The following DHX29 variants were observed in gnomAD, a reference collection of about 807,000 sequenced individuals.
DHX29 encodes the protein ATP-dependent RNA helicase DHX29.
In DHX29, 79 loss-of-function variants were observed where a neutral mutation model predicts 167.9. That is an observed-to-expected ratio of 0.47 (90% confidence interval 0.39 to 0.57). DHX29 has a LOEUF of 0.57. Ranked by LOEUF, DHX29 falls within the 20% of genes least tolerant of loss-of-function variation. DHX29 has a pLI of 0.00. For synonymous variants in DHX29, 530 were observed against 546.0 expected (o/e 0.97, Z 0.41); for missense variants, 1,347 against 1,593.4 (o/e 0.85, Z 2.63).
At chr5:55,300,765 A>T (rs1748557123) in intron 1 of DHX29, among the ~76,000 whole-genome samples, 1 of 152,234 alleles carries the variant, frequency 6.6e-6, no homozygotes, top group Admixed American at 6.5e-5. Context: ...ATATTTTTCA[A>T]GACAAAAAAT....
At chr5:55,270,375 C>A in intron 20 of DHX29, 37 bp downstream of exon 20, 2 of 1,555,294 alleles carry the variant, frequency 1.3e-6, no homozygotes, top group South Asian at 2.4e-5. Flanking sequence ...TAGAAAGGGG[C>A]GAAGGACAAA....
chr5:55,272,027 T>C (rs937173576), intron 18 of DHX29, 60 bp downstream of exon 18: 3 of 980,238 alleles, frequency 3.1e-6, no homozygotes, highest in Non-Finnish European at 4.6e-6. Flanking sequence ...TCCCAAGAAT[T>C]CAAGAGCCCC....
At chr5:55,296,486 A>C in intron 3 of DHX29, 137 bp from the exon 4 acceptor site, 1 of 1,159,030 alleles carries the variant, frequency 8.6e-7, no homozygotes, top group East Asian at 2.8e-5. Flanking sequence ...CCAGTTAAAA[A>C]TGAAATGTGT....
chr5:55,287,567 T>C (rs1185025641), intron 8 of DHX29, among the ~76,000 whole-genome samples: 1 of 152,164 alleles, frequency 6.6e-6, no homozygotes, highest in African/African-American at 2.4e-5. Flanking sequence ...GCTATATCAA[T>C]AATTAACTCA....
chr5:55,275,155 C>A (rs573072759), intron 14 of DHX29, 145 bp from the exon 15 acceptor site: 4 of 939,740 alleles, frequency 4.3e-6, no homozygotes, highest in Middle Eastern at 3.4e-4. Flanking sequence ...ATACAGGAAG[C>A]GTATACTTTT....
At chr5:55,304,559 C>A (rs1218964953) in intron 1 of DHX29, among the ~76,000 whole-genome samples, 3 of 151,966 alleles carry the variant, frequency 2.0e-5, no homozygotes, top group Non-Finnish European at 4.4e-5. Flanking sequence ...CTCGGCCTCC[C>A]AAAGTGCTGG....
intron 11 of DHX29, 117 bp downstream of exon 11, chr5:55,283,086 A>T: frequency 8.8e-7 from 1 of 1,131,086 alleles, no homozygotes; most frequent in Non-Finnish European, 1.2e-6. Context: ...GAAATGTGCT[A>T]CTGATCAACC....
At chr5:55,281,888 C>T (rs1011403185) in intron 11 of DHX29, among the ~76,000 whole-genome samples, 28 of 150,892 alleles carry the variant, frequency 1.9e-4, no homozygotes, top group African/African-American at 5.6e-4. Context: ...TGGGTTCAAG[C>T]GATTCTCTTG....
rs144879984 is a variant in DHX29, at chr5:55,273,174, T to C, written c.2775+119A>G. On this transcript the variant is annotated intron_variant, in intron 17 of 26. Transcript: ENST00000251636. ...ATGGCAAGGTGCAGAACACTTGGAG[T>C]TGGCAATGCGCTATAAGGCACTTAA... 25 of 1,023,442 alleles carry C rather than the reference T, an allele frequency of 2.4e-5. No homozygotes were observed. In the East Asian group the frequency reaches 6.7e-4, roughly 28 times the overall value. The allele number at this position is 1,023,442 out of a possible 1,614,324, so 63.4% of individuals were successfully genotyped here. A position where few individuals can be genotyped will look rare whatever the true frequency, so the allele number is the denominator to read the frequency against.
intron 11 of DHX29, 178 bp downstream of exon 11, chr5:55,283,025 T>C (rs1267483345): frequency 1.1e-5 from 6 of 526,740 alleles, no homozygotes; most frequent in Non-Finnish European, 1.9e-5. Flanking sequence ...ATCCTTCTCA[T>C]AGGACAGTGG....
chr5:55,267,846 A>G, intron 21 of DHX29, 24 bp from the exon 22 acceptor site: 1 of 1,570,920 alleles, frequency 6.4e-7, no homozygotes, highest in Non-Finnish European at 8.6e-7. Context: ...ATAAATGACA[A>G]AACAATTTAT....
At position 55,272,122 on chromosome 5, in the gene DHX29, TACA is replaced by T. The variant is rs1195114618; in HGVS notation, c.2826_2828del (p.Val943del). ...TTGTTCTTCCAGTATCAATTACAAA[TACA>T]ACATCAGGAATAGTGATACCCGTCT... On this transcript the variant is annotated inframe_deletion, in exon 18 of 27. Transcript: ENST00000251636. The T allele has an allele frequency of 3.2e-6, 5 of 1,584,010 alleles. No homozygotes were observed. The highest frequency in any genetic ancestry group is 1.4e-5 in the African/African-American group (1 of 73,076).
In DHX29 at chr5:55,261,355, T is replaced by C. The variant is rs1746304711; in HGVS notation, c.3960+13A>G. Reference sequence around the variant, plus strand: ...AATTTTTAATAATCAATAAAATCAGTTGTACTATGTACCTGAAAATAGATC... The same window carrying C: ...AATTTTTAATAATCAATAAAATCAGCTGTACTATGTACCTGAAAATAGATC... On this transcript the variant is annotated intron_variant, in intron 25 of 26. Coordinates refer to ENST00000251636, the MANE Select transcript of DHX29 (RefSeq NM_019030.4). The C allele has an allele frequency of 3.3e-6, 5 of 1,496,958 alleles. No individual in the cohort carries two copies. Among genetic ancestry groups the C allele is most frequent in the Non-Finnish European group, 4.6e-6 (5 of 1,094,036 alleles). The allele number at this position is 1,496,958 out of a possible 1,614,324, so 92.7% of individuals were successfully genotyped here.
At chr5:55,295,130 C>T (rs958647371) in intron 5 of DHX29, 31 of 337,948 alleles carry the variant, frequency 9.2e-5, no homozygotes, top group African/African-American at 4.2e-4. Context: ...TTCCTGGAAC[C>T]GAAGAAACAC....
intron 23 of DHX29, 112 bp from the exon 24 acceptor site, chr5:55,263,044 T>C: frequency 1.2e-6 from 1 of 822,020 alleles, no homozygotes; most frequent in Non-Finnish European, 1.9e-6. Context: ...ATGCTAATGA[T>C]TATTTGGCTA....
intron 21 of DHX29, among the ~76,000 whole-genome samples, chr5:55,268,624 G>T (rs1746698539): frequency 6.6e-6 from 1 of 151,920 alleles, no homozygotes; most frequent in Non-Finnish European, 1.5e-5. Flanking sequence ...CAGAATCAGG[G>T]TCTCACTATG....
At chr5:55,300,331 C>T (rs2111974932) in intron 1 of DHX29, among the ~76,000 whole-genome samples, 1 of 151,876 alleles carries the variant, frequency 6.6e-6, no homozygotes, top group East Asian at 1.9e-4. Flanking sequence ...GCTGTGACTG[C>T]AACACTGCAC....
chr5:55,290,417 CTGTATCAAAA>C (rs1044949522), intron 6 of DHX29, 73 bp from the exon 7 acceptor site: 49 of 1,460,488 alleles, frequency 3.4e-5, no homozygotes, highest in Non-Finnish European at 4.4e-5. Context: ...GGTCAATAAA[CTGTATCAAAA>C]TCTGTGATAT....
At chr5:55,266,298 T>G (rs2111806660) in intron 23 of DHX29, among the ~76,000 whole-genome samples, 1 of 150,960 alleles carries the variant, frequency 6.6e-6, no homozygotes, top group East Asian at 1.9e-4. Context: ...GCCCAGTCCT[T>G]GTGTTGTTTT....
Sources: allele counts gnomAD v4.1 joint callset (sites outside exome capture counted in the v4.1 genomes callset), GRCh38; gene constraint gnomAD v4.1.1; transcripts MANE v1.5; gene names NCBI Gene and HGNC (gene_info 2026-07-23, HGNC 2026-07-21).